Variants in CMSS1 observed in about 807,000 individuals in gnomAD.
CMSS1 encodes the protein cms1 ribosomal small subunit homolog.
Under a neutral mutation model 43.5 loss-of-function variants are expected in CMSS1, and 33 were observed. That is an observed-to-expected ratio of 0.76 (90% confidence interval 0.57 to 1.01). The LOEUF (loss-of-function observed/expected upper bound fraction) is 1.01. Among genes scored for constraint, CMSS1 ranks in the 50% least tolerant of loss-of-function variants. The pLI is 0.00. For missense variants in CMSS1, 313 were observed against 326.4 expected (o/e 0.96, Z 0.32); for synonymous variants, 115 against 117.2 (o/e 0.98, Z 0.12).
chr3:100,001,712 T>C lies in CMSS1; in HGVS notation c.65-145261T>C, dbSNP rs147018972. 7.9e-5 allele frequency among the ~76,000 whole-genome samples: 12 copies of C among 152,304 alleles called. No individual in the cohort carries two copies. In the East Asian group the frequency reaches 2.1e-3, roughly 27 times the overall value. The stretch of plus-strand genomic sequence containing the variant: ...CAAAAGAAACAGTACACATTGCAGA[T>C]GTGGCCAAGGTTTTCAAAATACCTG... On this transcript the variant is annotated intron_variant, in intron 1 of 9. Coordinates refer to ENST00000421999, the MANE Select transcript of CMSS1 (RefSeq NM_032359.4).
intron 3 of CMSS1, among the ~76,000 whole-genome samples, chr3:100,161,013 T>A (rs1194000329): frequency 6.6e-6 from 1 of 152,248 alleles, no homozygotes; most frequent in African/African-American, 2.4e-5. Context: ...ATTTTGATAT[T>A]TGCTGGTGAG....
intron 1 of CMSS1, among the ~76,000 whole-genome samples, chr3:99,984,060 T>TGTGTGTGTG (rs1559714079): frequency 4.0e-5 from 1 of 24,976 alleles, no homozygotes; most frequent in African/African-American, 1.5e-4. Context: ...GTATGTGTGT[T>TGTGTGTGTG]TGTGTGTGTG....
chr3:99,905,001 G>A (rs948338325), intron 1 of CMSS1, among the ~76,000 whole-genome samples: 7 of 152,182 alleles, frequency 4.6e-5, no homozygotes, highest in Non-Finnish European at 1.0e-4. Context: ...GGCATCCTCA[G>A]ATCCAAAAGC....
intron 1 of CMSS1, among the ~76,000 whole-genome samples, chr3:100,020,630 T>C (rs2064793748): frequency 6.6e-6 from 1 of 152,138 alleles, no homozygotes. Context: ...ATTGATAACA[T>C]TTTTAAAATA....
At chr3:99,965,757 T>A (rs1308718994) in intron 1 of CMSS1, among the ~76,000 whole-genome samples, 1 of 152,212 alleles carries the variant, frequency 6.6e-6, no homozygotes, top group Non-Finnish European at 1.5e-5. Flanking sequence ...AAATGAAGGT[T>A]ACCAGATGGA....
rs143219669 is a variant in CMSS1, at chr3:100,167,814, G to C, written c.492G>C (p.Ser164=). 4 of 1,612,790 alleles carry C rather than the reference G, an allele frequency of 2.5e-6. No individual in the cohort carries two copies. Among genetic ancestry groups the C allele is most frequent in the Non-Finnish European group, 3.4e-6 (4 of 1,179,594 alleles). The change falls in exon 6 of 10, where the codon TCG becomes TCC. Residue 164 remains serine (S), a synonymous_variant. Transcript: ENST00000421999. ...KSVLMLIICS[S]AVRALELIRS... The stretch of plus-strand genomic sequence containing the variant: ...TCCTGATGCTGATCATCTGCAGCTC[G>C]GCCGTCCGAGCCCTGGAGCTCATTA...
At chr3:99,826,192 AT>A (rs1942533356) in intron 1 of CMSS1, among the ~76,000 whole-genome samples, 1 of 152,102 alleles carries the variant, frequency 6.6e-6, no homozygotes, top group Admixed American at 6.6e-5. Context: ...TAGTTTCCCC[AT>A]TTTTATCAGC....
intron 1 of CMSS1, 106 bp from the exon 2 acceptor site, chr3:100,146,867 A>G: frequency 7.4e-7 from 1 of 1,355,596 alleles, no homozygotes; most frequent in Non-Finnish European, 9.9e-7. Flanking sequence ...TCTTTGAGGT[A>G]GAATTAAAAA....
intron 1 of CMSS1, among the ~76,000 whole-genome samples, chr3:100,048,652 C>G (rs1175811916): frequency 3.3e-5 from 5 of 152,074 alleles, no homozygotes; most frequent in Admixed American, 3.3e-4. Context: ...AAATAAAAGC[C>G]AAATCAGGAA....
At chr3:100,040,841 C>CTT (rs111369836) in intron 1 of CMSS1, 1 of 152,166 alleles carries the variant, frequency 6.6e-6, no homozygotes, top group African/African-American at 2.4e-5. Flanking sequence ...AAGGGAGAAA[C>CTT]TTTGTCAGTG....
chr3:100,058,209 A>C (rs1042975256), intron 1 of CMSS1, among the ~76,000 whole-genome samples: 7 of 152,142 alleles, frequency 4.6e-5, no homozygotes, highest in African/African-American at 1.7e-4. Context: ...TACTCTCTAT[A>C]CCCTACTGCC....
chr3:100,095,233 A>G (rs1012514335), intron 1 of CMSS1, among the ~76,000 whole-genome samples: 10 of 152,104 alleles, frequency 6.6e-5, no homozygotes, highest in Admixed American at 6.5e-4. Flanking sequence ...CCCTTTCCAT[A>G]TAAATTTTAG....
intron 1 of CMSS1, among the ~76,000 whole-genome samples, chr3:99,892,550 G>A (rs1706117056): frequency 6.6e-6 from 1 of 152,180 alleles, no homozygotes; most frequent in Admixed American, 6.5e-5. Context: ...TTGTGGCTTT[G>A]ATCTCTTCCC....
At chr3:99,951,336 C>T (rs1467911735) in intron 1 of CMSS1, among the ~76,000 whole-genome samples, 1 of 152,146 alleles carries the variant, frequency 6.6e-6, no homozygotes, top group African/African-American at 2.4e-5. Context: ...TAAAGAATTT[C>T]AACCTCCCCC....
At chr3:99,826,580 G>A (rs1379271841) in intron 1 of CMSS1, among the ~76,000 whole-genome samples, 2 of 152,106 alleles carry the variant, frequency 1.3e-5, no homozygotes, top group Non-Finnish European at 2.9e-5. Flanking sequence ...CCTGTGAACC[G>A]CAGTTTGCAA....
chr3:100,104,415 C>G (rs761622023), intron 1 of CMSS1, among the ~76,000 whole-genome samples: 1 of 152,084 alleles, frequency 6.6e-6, no homozygotes, highest in Non-Finnish European at 1.5e-5. Flanking sequence ...GAAATGTGAC[C>G]CACACTTTGT....
chr3:99,868,422 C>A (rs1012548218), intron 1 of CMSS1, among the ~76,000 whole-genome samples: 1 of 152,140 alleles, frequency 6.6e-6, no homozygotes, highest in Non-Finnish European at 1.5e-5. Context: ...TGAGACAGCC[C>A]CCTATATGTC....
At chr3:99,906,536 T>C (rs1706624147) in intron 1 of CMSS1, among the ~76,000 whole-genome samples, 1 of 152,256 alleles carries the variant, frequency 6.6e-6, no homozygotes, top group African/African-American at 2.4e-5. Flanking sequence ...CAATAAAGTC[T>C]TACTTTTTTA....
intron 2 of CMSS1, among the ~76,000 whole-genome samples, chr3:100,157,321 G>T (rs1230018707): frequency 6.6e-6 from 1 of 151,972 alleles, no homozygotes; most frequent in African/African-American, 2.4e-5. Context: ...TCTCTCTGAG[G>T]ATATGAATTG....
Sources: gnomAD v4.1 joint callset for allele counts (sites outside exome capture counted in the v4.1 genomes callset) on GRCh38, gnomAD v4.1.1 for gene constraint, MANE v1.5 for transcripts, NCBI Gene and HGNC (gene_info 2026-07-23, HGNC 2026-07-21) for gene names.